ATXN1: variants seen among roughly 807,000 people sequenced by gnomAD.
ATXN1 encodes the protein ataxin 1.
A neutral mutation model predicts 56.4 loss-of-function variants in ATXN1; 8 were observed. The observed-to-expected ratio is 0.14, with a 90% CI of 0.08 to 0.26. The LOEUF (loss-of-function observed/expected upper bound fraction) is 0.26, where lower values mean the gene tolerates loss of function less well. Ranked by LOEUF, ATXN1 falls within the 10% of genes least tolerant of loss-of-function variation. ATXN1 has a pLI of 1.00. For synonymous variants in ATXN1, 514 were observed against 494.6 expected, an observed-to-expected ratio of 1.04 and a Z score of -0.52; for missense variants, 987 against 1,106.5, an observed-to-expected ratio of 0.89 and a Z score of 1.53.
chr6:16,395,756 G>A (rs1256528033), intron 6 of ATXN1, among the ~76,000 whole-genome samples: 2 of 152,090 alleles, frequency 1.3e-5, no homozygotes, highest in Non-Finnish European at 2.9e-5. Context: ...AGTGGCTCAT[G>A]CCTGTAATCC....
chr6:16,471,827 G>A (rs768609316), intron 6 of ATXN1, among the ~76,000 whole-genome samples: 12 of 151,962 alleles, frequency 7.9e-5, no homozygotes, highest in East Asian at 1.9e-4. Context: ...TAAGACACTC[G>A]GAATACCTAA....
chr6:16,677,172 T>C (rs1758703527), intron 2 of ATXN1, among the ~76,000 whole-genome samples: 1 of 151,908 alleles, frequency 6.6e-6, no homozygotes, highest in Non-Finnish European at 1.5e-5. Flanking sequence ...AACAATACGG[T>C]GTGAATCAAG....
chr6:16,414,506 CAAAT>C (rs1758864287), intron 6 of ATXN1, among the ~76,000 whole-genome samples: 1 of 152,182 alleles, frequency 6.6e-6, no homozygotes, highest in Admixed American at 6.5e-5. Context: ...GCCCACGACA[CAAAT>C]GAATGCTAGA....
At chr6:16,706,096 C>T (rs1416083418) in intron 2 of ATXN1, among the ~76,000 whole-genome samples, 2 of 152,256 alleles carry the variant, frequency 1.3e-5, no homozygotes, top group Admixed American at 1.3e-4. Flanking sequence ...CTATTTTGCA[C>T]TTCTTTTGTC....
rs116752358 is a variant in ATXN1, at chr6:16,421,554, C to A, written c.-161+64418G>T. Among the ~76,000 whole-genome samples, 853 of 145,656 alleles carry A rather than the reference C, an allele frequency of 5.9e-3. 3 individuals are homozygous for A. Among genetic ancestry groups the A allele is most frequent in the Admixed American group, 0.011 (152 of 13,648 alleles). On this transcript the variant is annotated intron_variant, in intron 6 of 7. Coordinates refer to ENST00000436367, the MANE Select transcript of ATXN1 (RefSeq NM_001128164.2). ...TCAAAACCATTTTGAATGTAAAAGGCTGTAGAGTTCAACACTGGGCTTCTT... is the reference window on the plus strand; with the variant it reads ...TCAAAACCATTTTGAATGTAAAAGGATGTAGAGTTCAACACTGGGCTTCTT...
At chr6:16,571,078 T>C (rs1335197215) in intron 4 of ATXN1, among the ~76,000 whole-genome samples, 1 of 152,138 alleles carries the variant, frequency 6.6e-6, no homozygotes, top group African/African-American at 2.4e-5. Flanking sequence ...TGCCTGCCTT[T>C]ACCTTGCAAT....
chr6:16,541,037 TA>T (rs896377748), intron 4 of ATXN1, among the ~76,000 whole-genome samples: 3 of 152,188 alleles, frequency 2.0e-5, no homozygotes, highest in African/African-American at 4.8e-5. Flanking sequence ...ACCAGTGGTT[TA>T]AAAAAAATTT....
intron 3 of ATXN1, among the ~76,000 whole-genome samples, chr6:16,653,874 G>C (rs1758133411): frequency 2.0e-5 from 3 of 152,246 alleles, no homozygotes. Flanking sequence ...ACCTACCATA[G>C]GCTCAGACCT....
At chr6:16,347,825 C>G (rs759609213) in intron 6 of ATXN1, among the ~76,000 whole-genome samples, 4 of 152,180 alleles carry the variant, frequency 2.6e-5, no homozygotes, top group Non-Finnish European at 2.9e-5. Flanking sequence ...GCAGGCTGCC[C>G]GAGCCAGCAG....
At chr6:16,522,113 G>T (rs1761305211) in intron 5 of ATXN1, among the ~76,000 whole-genome samples, 1 of 152,148 alleles carries the variant, frequency 6.6e-6, no homozygotes, top group Non-Finnish European at 1.5e-5. Flanking sequence ...CAAAATCCTA[G>T]CTCTGCTACT....
At chr6:16,709,679 A>G (rs1759482190) in intron 2 of ATXN1, among the ~76,000 whole-genome samples, 1 of 152,214 alleles carries the variant, frequency 6.6e-6, no homozygotes, top group African/African-American at 2.4e-5. Context: ...AGAAAATAGT[A>G]AAAAACAGGA....
intron 4 of ATXN1, among the ~76,000 whole-genome samples, chr6:16,561,420 C>G (rs933864790): frequency 1.3e-5 from 2 of 152,164 alleles, no homozygotes; most frequent in Non-Finnish European, 2.9e-5. Context: ...CTAAGTTTTG[C>G]TTTTCTTCAT....
chr6:16,668,285 C>T (rs1758472409), intron 2 of ATXN1, among the ~76,000 whole-genome samples: 1 of 151,940 alleles, frequency 6.6e-6, no homozygotes, highest in South Asian at 2.1e-4. Context: ...TGTTGGTGTG[C>T]TGCAACCATT....
intron 7 of ATXN1, among the ~76,000 whole-genome samples, chr6:16,319,009 G>T (rs1361084718): frequency 6.6e-6 from 1 of 152,088 alleles, no homozygotes; most frequent in Non-Finnish European, 1.5e-5. Flanking sequence ...ATGAGCTCAG[G>T]AGTTCAAGAG....
chr6:16,658,039 T>G lies in ATXN1; in HGVS notation c.-614-138A>C, dbSNP rs1339540083. 2.0e-5 allele frequency: 3 copies of G among 152,128 alleles called. No individual in the cohort carries two copies. The East Asian group carries it at 5.8e-4, about 29-fold the overall frequency. The allele number at this position is 152,128 out of a possible 1,614,324, so 9.4% of individuals were successfully genotyped here. A position where few individuals can be genotyped will look rare whatever the true frequency, so the allele number is the denominator to read the frequency against. On this transcript the variant is annotated intron_variant, in intron 2 of 7. Transcript: ENST00000436367. ...CAAACAAGCATGTTAATTATCAGGA[T>G]GAAGCCATCTCACTGCTTATCTACA... is the stretch of plus-strand genomic sequence containing the variant.
At chr6:16,373,482 C>A (rs973318249) in intron 6 of ATXN1, among the ~76,000 whole-genome samples, 2 of 152,150 alleles carry the variant, frequency 1.3e-5, no homozygotes, top group African/African-American at 4.8e-5. Context: ...AGGGGCCAGT[C>A]TGGAAGCCAT....
intron 2 of ATXN1, among the ~76,000 whole-genome samples, chr6:16,682,876 C>T (rs949077674): frequency 6.6e-6 from 1 of 152,156 alleles, no homozygotes; most frequent in Non-Finnish European, 1.5e-5. Flanking sequence ...CCTCACTTTC[C>T]CGCTTCTATT....
intron 7 of ATXN1, among the ~76,000 whole-genome samples, chr6:16,308,357 C>T (rs1760308174): frequency 6.6e-6 from 1 of 150,966 alleles, no homozygotes; most frequent in South Asian, 2.1e-4. Context: ...CACACACACA[C>T]ACACACACAC....
intron 6 of ATXN1, among the ~76,000 whole-genome samples, chr6:16,470,239 T>C (rs1006381764): frequency 9.2e-5 from 14 of 152,012 alleles, no homozygotes; most frequent in Non-Finnish European, 1.9e-4. Flanking sequence ...AAAGGACAAA[T>C]ACTACATGAT....
Sources: allele counts gnomAD v4.1 joint callset (sites outside exome capture counted in the v4.1 genomes callset), GRCh38; gene constraint gnomAD v4.1.1; transcripts MANE v1.5; gene names NCBI Gene and HGNC (gene_info 2026-07-23, HGNC 2026-07-21).